VMA12: variants seen among roughly 807,000 people sequenced by gnomAD.
VMA12 encodes the protein vacuolar ATPase assembly protein VMA12.
chr17:28,359,042 C>A, the VMA12 span: 20 of 1,457,904 alleles, frequency 1.4e-5, 1 homozygote, highest in South Asian at 2.1e-4. Flanking sequence ...TGGGCTTATC[C>A]ATGATACACT....
chr17:28,359,039 A>G, the VMA12 span: 1 of 1,487,672 alleles, frequency 6.7e-7, no homozygotes, highest in South Asian at 1.2e-5. Flanking sequence ...AGTTGGGCTT[A>G]TCCATGATAC....
the VMA12 span, chr17:28,359,614 A>C: frequency 7.6e-6 from 3 of 395,994 alleles, no homozygotes; most frequent in East Asian, 1.2e-4. Flanking sequence ...ACGTCATAGA[A>C]GTGGGAGTTA....
chr17:28,358,847 C>A, the VMA12 span: 3 of 1,238,380 alleles, frequency 2.4e-6, no homozygotes, highest in Non-Finnish European at 3.5e-6. Context: ...AAGGGCTACA[C>A]CCCTCTTGAT....
the VMA12 span, chr17:28,360,699 T>A: frequency 6.2e-7 from 1 of 1,609,928 alleles, no homozygotes; most frequent in Non-Finnish European, 8.5e-7. Flanking sequence ...TAGAGAATGT[T>A]GAACTAAAGG....
the VMA12 span, chr17:28,363,062 T>C: frequency 1.3e-5 from 2 of 152,216 alleles, no homozygotes; most frequent in Non-Finnish European, 2.9e-5. Context: ...TTACACACCA[T>C]GTAAAGCCCT....
At chr17:28,360,681 G>A in the VMA12 span, 14 of 1,603,792 alleles carry the variant, frequency 8.7e-6, no homozygotes, top group Middle Eastern at 3.3e-4. Flanking sequence ...TGAGATAAGA[G>A]CACCTCCTAG....
At chr17:28,359,240 C>T in the VMA12 span, 1 of 1,512,064 alleles carries the variant, frequency 6.6e-7, no homozygotes, top group African/African-American at 1.4e-5. Context: ...TGCTTTACCC[C>T]TGGAACCAAT....
chr17:28,360,107 A>G, the VMA12 span: 11 of 166,196 alleles, frequency 6.6e-5, no homozygotes, highest in South Asian at 1.4e-3. Context: ...AGCTGGGATT[A>G]CAGGCATGCA....
At chr17:28,358,122 G>A in the VMA12 span, 1 of 561,562 alleles carries the variant, frequency 1.8e-6, no homozygotes, top group Non-Finnish European at 3.2e-6. Flanking sequence ...GGCACACCTA[G>A]GCCCAATTCA....
At chr17:28,360,470 T>C in the VMA12 span, 1 of 1,524,952 alleles carries the variant, frequency 6.6e-7, no homozygotes, top group South Asian at 1.1e-5. Flanking sequence ...AGCCAGACTG[T>C]CAATGGATGC....
At chr17:28,358,189 T>C in the VMA12 span, 1 of 432,564 alleles carries the variant, frequency 2.3e-6, no homozygotes, top group Non-Finnish European at 4.3e-6. Flanking sequence ...TTGTCTCTTC[T>C]TTTTCTCCAC....
chr17:28,361,553 A>G, the VMA12 span: 1 of 333,236 alleles, frequency 3.0e-6, no homozygotes, highest in East Asian at 6.3e-5. Flanking sequence ...CACTGCTGGG[A>G]CTAGGGTTTT....
the VMA12 span, chr17:28,362,843 A>G: frequency 6.6e-6 from 1 of 152,138 alleles, no homozygotes; most frequent in African/African-American, 2.4e-5. Context: ...GGGAGAACCA[A>G]ATGCCCTATC....
chr17:28,363,401 G>A, the VMA12 span: 1 of 152,130 alleles, frequency 6.6e-6, no homozygotes, highest in African/African-American at 2.4e-5. Flanking sequence ...CCACCAAGAG[G>A]TATCTGTGTG....
At chr17:28,357,654 CG>C in the VMA12 span, 1 of 1,610,504 alleles carries the variant, frequency 6.2e-7, no homozygotes, top group Non-Finnish European at 8.5e-7. Context: ...GTCACCTGAC[CG>C]GAGAGCCGGC....
chr17:28,360,053 C>T, the VMA12 span: 21 of 156,754 alleles, frequency 1.3e-4, no homozygotes, highest in South Asian at 3.9e-3. Context: ...CTGCGGCCTC[C>T]GCCTTCCAGG....
the VMA12 span, chr17:28,360,657 T>G: frequency 3.7e-6 from 6 of 1,606,218 alleles, no homozygotes; most frequent in Non-Finnish European, 5.1e-6. Flanking sequence ...GAAACCCAGT[T>G]GGTGGGGGAG....
the VMA12 span, chr17:28,361,483 G>A: frequency 1.9e-6 from 1 of 516,382 alleles, no homozygotes; most frequent in Admixed American, 3.3e-5. Flanking sequence ...AACTGGTCTT[G>A]GTCTATCAGT....
At chr17:28,360,046 C>T in the VMA12 span, 20 of 156,010 alleles carry the variant, frequency 1.3e-4, no homozygotes, top group Admixed American at 3.1e-4. Context: ...CTGCTCACTG[C>T]GGCCTCCGCC....
Sources: gnomAD v4.1 joint callset for allele counts on GRCh38, gnomAD v4.1.1 for gene constraint, MANE v1.5 for transcripts, NCBI Gene and HGNC (gene_info 2026-07-23, HGNC 2026-07-21) for gene names.